ANKS1B: variants seen among roughly 807,000 people sequenced by gnomAD.
The protein encoded by ANKS1B is ankyrin repeat and sterile alpha motif domain-containing protein 1B.
A neutral mutation model predicts 148.3 loss-of-function variants in ANKS1B; 36 were observed. The ratio of observed to expected loss-of-function variants is 0.24; its 90% CI spans 0.19 to 0.32. The LOEUF (loss-of-function observed/expected upper bound fraction) is 0.32, where lower values mean the gene tolerates loss of function less well. Among genes scored for constraint, ANKS1B ranks in the 10% least tolerant of loss-of-function variants. ANKS1B has a pLI of 1.00. For missense variants in ANKS1B, 1,157 were observed against 1,542.6 expected (o/e 0.75, Z 4.19); for synonymous variants, 542 against 560.8 (o/e 0.97, Z 0.47).
intron 10 of ANKS1B, among the ~76,000 whole-genome samples, chr12:99,495,813 C>A (rs979426257): frequency 6.6e-6 from 1 of 152,198 alleles, no homozygotes; most frequent in African/African-American, 2.4e-5. Context: ...AGTCTGAATT[C>A]ATTTAATTTC....
chr12:99,744,165 G>C (rs1226980070), intron 8 of ANKS1B, among the ~76,000 whole-genome samples: 3 of 151,932 alleles, frequency 2.0e-5, no homozygotes, highest in Non-Finnish European at 4.4e-5. Flanking sequence ...TGAGATATTG[G>C]GAATAACAAA....
In ANKS1B at chr12:98,755,434, G is replaced by A. The variant is rs76999684; in HGVS notation, c.3580-3912C>T. On this transcript the variant is annotated intron_variant, in intron 25 of 26. Transcript: ENST00000683438. ...TCTCTGCCTTCAACATATTATCCCTGCAACTGTGGGGAGGCCAACGCCTGG... is the reference window on the plus strand; with the variant it reads ...TCTCTGCCTTCAACATATTATCCCTACAACTGTGGGGAGGCCAACGCCTGG... 7.8e-3 allele frequency among the ~76,000 whole-genome samples: 1,186 copies of A among 152,294 alleles called. 19 individuals carry two copies. Among genetic ancestry groups the A allele is most frequent in the African/African-American group, 0.027 (1,125 of 41,558 alleles).
chr12:98,769,820 G>A (rs549139971), intron 25 of ANKS1B, among the ~76,000 whole-genome samples: 5 of 152,172 alleles, frequency 3.3e-5, no homozygotes, highest in African/African-American at 7.2e-5. Flanking sequence ...AAAAGGTGGC[G>A]TTCATCCTGA....
intron 17 of ANKS1B, among the ~76,000 whole-genome samples, chr12:99,050,690 C>CTTT (rs62812561): frequency 3.4e-4 from 39 of 113,548 alleles, no homozygotes; most frequent in Non-Finnish European, 4.6e-4. Context: ...TTTTCTTTTT[C>CTTT]TTTTTTTTTT....
intron 8 of ANKS1B, among the ~76,000 whole-genome samples, chr12:99,745,147 A>T (rs7304682): frequency 0.44 from 66,424 of 151,932 alleles, 14,936 homozygotes; most frequent in South Asian, 0.61. Context: ...TTCAAAGTAT[A>T]AATAGCTATT....
At chr12:99,953,350 T>A (rs571513193) in intron 1 of ANKS1B, among the ~76,000 whole-genome samples, 1 of 152,294 alleles carries the variant, frequency 6.6e-6, no homozygotes, top group Admixed American at 6.5e-5. Context: ...GATGAGGATG[T>A]TGAGGACATA....
In ANKS1B at chr12:99,510,496, G is replaced by T. The variant is rs573419138; in HGVS notation, c.1273-5855C>A. 4.6e-5 allele frequency among the ~76,000 whole-genome samples: 7 copies of T among 152,040 alleles called. No homozygotes were observed. In the South Asian group the frequency reaches 1.5e-3, roughly 32 times the overall value. Reference sequence around the variant, plus strand: ...TGGAGGAAGTAACTGCAGATGTGACGGATAAATAGCAAGAGAACTGGAAGT... The same window carrying T: ...TGGAGGAAGTAACTGCAGATGTGACTGATAAATAGCAAGAGAACTGGAAGT... On this transcript the variant is annotated intron_variant, in intron 9 of 26. Coordinates refer to ENST00000683438, the MANE Select transcript of ANKS1B (RefSeq NM_001352186.2).
chr12:99,238,401 G>A (rs994567198), intron 14 of ANKS1B, among the ~76,000 whole-genome samples: 4 of 152,180 alleles, frequency 2.6e-5, no homozygotes, highest in Non-Finnish European at 4.4e-5. Flanking sequence ...CAAAGCAGCC[G>A]GGAAGCTCCA....
At position 99,784,688 on chromosome 12, in the gene ANKS1B, G is replaced by A. The variant is rs78968611; in HGVS notation, c.670-2591C>T. On this transcript the variant is annotated intron_variant, in intron 4 of 26. Transcript: ENST00000683438. ...CATCCCCAGAGTTTCTGATTCAGTCGCCTGAGATTAGGCCATAGAATTTCC... is the reference window on the plus strand; with the variant it reads ...CATCCCCAGAGTTTCTGATTCAGTCACCTGAGATTAGGCCATAGAATTTCC... 5.2e-3 allele frequency among the ~76,000 whole-genome samples: 794 copies of A among 152,204 alleles called. 8 individuals carry two copies. Among genetic ancestry groups the A allele is most frequent in the African/African-American group, 0.018 (752 of 41,528 alleles).
At chr12:98,916,903 T>C (rs1596856609) in intron 17 of ANKS1B, among the ~76,000 whole-genome samples, 1 of 152,278 alleles carries the variant, frequency 6.6e-6, no homozygotes, top group Admixed American at 6.5e-5. Flanking sequence ...CTTTATTATA[T>C]ATAAGGTATT....
chr12:99,085,251 C>T (rs2051246944), intron 15 of ANKS1B, among the ~76,000 whole-genome samples: 1 of 151,968 alleles, frequency 6.6e-6, no homozygotes, highest in Admixed American at 6.6e-5. Flanking sequence ...GGCTTATATC[C>T]ACATGGGGTT....
chr12:99,585,673 C>T (rs577670150), intron 9 of ANKS1B, among the ~76,000 whole-genome samples: 1 of 152,316 alleles, frequency 6.6e-6, no homozygotes, highest in East Asian at 1.9e-4. Context: ...CATACATCCT[C>T]CAAAATCTAT....
At chr12:99,068,696 TG>T (rs1184195727) in intron 16 of ANKS1B, among the ~76,000 whole-genome samples, 2 of 105,072 alleles carry the variant, frequency 1.9e-5, no homozygotes, top group South Asian at 6.8e-4. Flanking sequence ...GTGGGAGGGG[TG>T]GGGGGCAGAG....
chr12:99,236,600 T>C (rs892870566), intron 14 of ANKS1B, among the ~76,000 whole-genome samples: 1 of 152,164 alleles, frequency 6.6e-6, no homozygotes, highest in South Asian at 2.1e-4. Context: ...AGGATTACAA[T>C]TCAAGATGAG....
chr12:99,815,536 T>G (rs1364640330), intron 2 of ANKS1B, among the ~76,000 whole-genome samples: 1 of 151,724 alleles, frequency 6.6e-6, no homozygotes, highest in Non-Finnish European at 1.5e-5. Context: ...GGTTTTTGGT[T>G]CCATGGATGG....
Position 99,247,925 on chromosome 12 carries a change from A to G in ANKS1B, c.1757-1061T>C, listed in dbSNP as rs146074088. Among the ~76,000 whole-genome samples the G allele has an allele frequency of 8.0e-3, 1,211 of 152,276 alleles. 19 individuals carry two copies. The highest frequency in any genetic ancestry group is 0.05 in the South Asian group (241 of 4,826). On this transcript the variant is annotated intron_variant, in intron 12 of 26. Transcript: ENST00000683438. ...GTGGTACATAATGACAACAAATCCAAAGTTGATGTGCTGATTCGTACTTTC... is the reference window on the plus strand; with the variant it reads ...GTGGTACATAATGACAACAAATCCAGAGTTGATGTGCTGATTCGTACTTTC...
intron 17 of ANKS1B, among the ~76,000 whole-genome samples, chr12:98,964,628 A>G (rs1276865093): frequency 6.6e-6 from 1 of 152,226 alleles, no homozygotes; most frequent in Non-Finnish European, 1.5e-5. Context: ...CAGCCATAAA[A>G]AGGAATTAGC....
At chr12:98,777,631 G>A (rs1217470452) in intron 24 of ANKS1B, among the ~76,000 whole-genome samples, 14 of 152,214 alleles carry the variant, frequency 9.2e-5, no homozygotes, top group Admixed American at 7.2e-4. Flanking sequence ...ACACTTTAGT[G>A]CTAAATCTAT....
chr12:98,785,991 T>C (rs2098791114), intron 22 of ANKS1B, among the ~76,000 whole-genome samples: 1 of 152,156 alleles, frequency 6.6e-6, no homozygotes, highest in African/African-American at 2.4e-5. Flanking sequence ...GGTTTCCCAA[T>C]GTTCTCAAAT....
Sources: allele counts gnomAD v4.1 joint callset (sites outside exome capture counted in the v4.1 genomes callset), GRCh38; gene constraint gnomAD v4.1.1; transcripts MANE v1.5; gene names NCBI Gene and HGNC (gene_info 2026-07-23, HGNC 2026-07-21).